Variants in RIT2 observed in about 807,000 individuals in gnomAD.
RIT2 encodes GTP-binding protein Rit2.
RIT2 carries 24 observed loss-of-function variants against 23.7 expected under a neutral mutation model. The ratio of observed to expected loss-of-function variants is 1.01; its 90% confidence interval spans 0.73 to 1.43. RIT2 has a LOEUF of 1.43. RIT2 is among the 40% of genes most tolerant of loss of function. The probability of loss-of-function intolerance (pLI) is 0.00; values close to 1 mark genes in which losing one functional copy is unlikely to be tolerated. For missense variants in RIT2, 236 were observed against 266.9 expected (o/e 0.88, Z 0.81); for synonymous variants, 107 against 91.1 (o/e 1.17, Z -0.99).
At chr18:42,979,397 C>T (rs1293512036) in intron 2 of RIT2, among the ~76,000 whole-genome samples, 2 of 151,968 alleles carry the variant, frequency 1.3e-5, no homozygotes, top group Non-Finnish European at 2.9e-5. Flanking sequence ...TGGTTTACCT[C>T]ATAATCTGAA....
chr18:42,905,730 C>A (rs1369248677), intron 4 of RIT2, among the ~76,000 whole-genome samples: 1 of 152,026 alleles, frequency 6.6e-6, no homozygotes. Flanking sequence ...ACCTTGGCCT[C>A]CCAAAGTGCT....
chr18:42,776,976 T>C (rs565338019), intron 4 of RIT2, among the ~76,000 whole-genome samples: 1 of 151,848 alleles, frequency 6.6e-6, no homozygotes, highest in Non-Finnish European at 1.5e-5. Flanking sequence ...TTTAAAAGCA[T>C]GAGATTGGAT....
chr18:42,796,150 A>C (rs2143954474), intron 4 of RIT2, among the ~76,000 whole-genome samples: 1 of 152,284 alleles, frequency 6.6e-6, no homozygotes, highest in Middle Eastern at 3.4e-3. Context: ...CTTTGGGTCC[A>C]CACTGCTTTT....
intron 2 of RIT2, among the ~76,000 whole-genome samples, chr18:42,988,308 G>A (rs1157750568): frequency 3.3e-5 from 5 of 151,898 alleles, no homozygotes; most frequent in Admixed American, 1.3e-4. Flanking sequence ...CTATTTTTAC[G>A]GTAACACTAT....
chr18:43,053,779 G>A (rs1912438504), intron 1 of RIT2, among the ~76,000 whole-genome samples: 1 of 152,072 alleles, frequency 6.6e-6, no homozygotes, highest in African/African-American at 2.4e-5. Flanking sequence ...TTAAATCATA[G>A]TAAATGATGG....
intron 4 of RIT2, among the ~76,000 whole-genome samples, chr18:42,831,041 T>TG (rs1014802478): frequency 6.6e-6 from 1 of 152,198 alleles, no homozygotes; most frequent in Non-Finnish European, 1.5e-5. Flanking sequence ...AATTCAAGTG[T>TG]GTTGACCTCC....
At chr18:43,059,224 C>T (rs1912583592) in intron 1 of RIT2, among the ~76,000 whole-genome samples, 1 of 152,006 alleles carries the variant, frequency 6.6e-6, no homozygotes, top group Admixed American at 6.6e-5. Flanking sequence ...TATACATCAC[C>T]TCGTTTATCC....
intron 4 of RIT2, among the ~76,000 whole-genome samples, chr18:42,757,868 T>C (rs1913200823): frequency 6.6e-6 from 1 of 152,192 alleles, no homozygotes; most frequent in African/African-American, 2.4e-5. Context: ...AAAGAATGAT[T>C]TCAACATCCT....
intron 4 of RIT2, among the ~76,000 whole-genome samples, chr18:42,910,368 T>C (rs1399215583): frequency 2.0e-5 from 3 of 152,126 alleles, no homozygotes; most frequent in Non-Finnish European, 4.4e-5. Flanking sequence ...TCAAGCATTA[T>C]TGATACGGAC....
chr18:42,791,088 T>C (rs1914032900), intron 4 of RIT2, among the ~76,000 whole-genome samples: 1 of 152,234 alleles, frequency 6.6e-6, no homozygotes, highest in African/African-American at 2.4e-5. Context: ...GCAATAAACT[T>C]AAAATCGATA....
At chr18:42,821,596 G>A (rs997365269) in intron 4 of RIT2, among the ~76,000 whole-genome samples, 1 of 152,072 alleles carries the variant, frequency 6.6e-6, no homozygotes, top group African/African-American at 2.4e-5. Flanking sequence ...AAGGCACGGA[G>A]CCGTAGACAT....
intron 2 of RIT2, among the ~76,000 whole-genome samples, chr18:42,991,006 A>G (rs1035343192): frequency 1.3e-5 from 2 of 150,002 alleles, no homozygotes; most frequent in Non-Finnish European, 3.0e-5. Context: ...GAGTAAATGG[A>G]CTAGACTCCC....
At chr18:42,998,034 T>C (rs1911025666) in intron 2 of RIT2, among the ~76,000 whole-genome samples, 1 of 152,164 alleles carries the variant, frequency 6.6e-6, no homozygotes, top group African/African-American at 2.4e-5. Context: ...TCTGATAGTT[T>C]CACCACAATA....
At chr18:42,850,367 G>T (rs953330887) in intron 4 of RIT2, among the ~76,000 whole-genome samples, 2 of 152,134 alleles carry the variant, frequency 1.3e-5, no homozygotes, top group Non-Finnish European at 2.9e-5. Flanking sequence ...TAAATTGCTT[G>T]AACATGTTTA....
At chr18:42,857,802 G>A (rs1907224957) in intron 4 of RIT2, among the ~76,000 whole-genome samples, 1 of 152,180 alleles carries the variant, frequency 6.6e-6, no homozygotes, top group African/African-American at 2.4e-5. Flanking sequence ...ATTTACGGAG[G>A]GAATTACATG....
intron 3 of RIT2, among the ~76,000 whole-genome samples, chr18:42,954,202 A>C (rs919003863): frequency 2.6e-5 from 4 of 151,856 alleles, no homozygotes; most frequent in Admixed American, 2.6e-4. Flanking sequence ...ACATGGTGAA[A>C]CCCTGTCTCT....
intron 1 of RIT2, among the ~76,000 whole-genome samples, chr18:43,093,588 T>C (rs896733980): frequency 2.0e-5 from 3 of 152,054 alleles, no homozygotes; most frequent in Non-Finnish European, 4.4e-5. Flanking sequence ...AACTAGAGAA[T>C]GAATATCCTG....
chr18:43,015,394 G>A (rs1444944006), intron 2 of RIT2, among the ~76,000 whole-genome samples: 1 of 151,668 alleles, frequency 6.6e-6, no homozygotes, highest in African/African-American at 2.4e-5. Context: ...GAGATCATAA[G>A]TTTAATCTGA....
At chr18:42,980,694 C>T (rs769116307) in intron 2 of RIT2, among the ~76,000 whole-genome samples, 4 of 152,086 alleles carry the variant, frequency 2.6e-5, no homozygotes, top group Non-Finnish European at 5.9e-5. Flanking sequence ...GAACAGAAAA[C>T]CCAATGAGGA....
Sources: allele counts gnomAD v4.1 joint callset (sites outside exome capture counted in the v4.1 genomes callset), GRCh38; gene constraint gnomAD v4.1.1; transcripts MANE v1.5; gene names NCBI Gene and HGNC (gene_info 2026-07-23, HGNC 2026-07-21).